The following NOVA2 variants were observed in gnomAD, a reference collection of about 807,000 sequenced individuals.
NOVA2 encodes the protein RNA-binding protein Nova-2.
In NOVA2, 9 loss-of-function variants were observed where a neutral mutation model predicts 22.5. The observed-to-expected ratio is 0.40, with a 90% confidence interval of 0.24 to 0.70. NOVA2 has a LOEUF of 0.70. Among genes scored for constraint, NOVA2 ranks in the 30% least tolerant of loss-of-function variants. The pLI is 0.38. For missense variants in NOVA2, 383 were observed against 682.8 expected (o/e 0.56, Z 4.89); for synonymous variants, 318 against 335.2 (o/e 0.95, Z 0.56).
At chr19:45,941,835 C>T (rs141799244) in intron 3 of NOVA2, among the ~76,000 whole-genome samples, 11 of 152,310 alleles carry the variant, frequency 7.2e-5, no homozygotes, top group African/African-American at 2.6e-4. Context: ...CCACCCTGTC[C>T]CATGTACCTG....
intron 1 of NOVA2, among the ~76,000 whole-genome samples, chr19:45,968,847 T>C (rs935874736): frequency 9.9e-5 from 15 of 152,064 alleles, no homozygotes; most frequent in Middle Eastern, 3.2e-3. Flanking sequence ...GCTCTTAACC[T>C]GGTGATGTTG....
chr19:45,956,884 A>G (rs1186979747), intron 2 of NOVA2, among the ~76,000 whole-genome samples: 1 of 152,198 alleles, frequency 6.6e-6, no homozygotes, highest in African/African-American at 2.4e-5. Flanking sequence ...CTTAGATGGT[A>G]GTGGATGTTC....
chr19:45,971,802 A>C (rs1968235843), intron 1 of NOVA2, among the ~76,000 whole-genome samples: 1 of 152,032 alleles, frequency 6.6e-6, no homozygotes, highest in Non-Finnish European at 1.5e-5. Flanking sequence ...CCCTCCTACC[A>C]GGGAGCTAGA....
intron 1 of NOVA2, among the ~76,000 whole-genome samples, chr19:45,963,421 G>A (rs1427138556): frequency 6.6e-6 from 1 of 151,974 alleles, no homozygotes; most frequent in African/African-American, 2.4e-5. Flanking sequence ...CTTCCTCCGT[G>A]AGCCTCAGGC....
chr19:45,946,649 G>A (rs565314659), intron 3 of NOVA2, among the ~76,000 whole-genome samples: 22 of 152,256 alleles, frequency 1.4e-4, no homozygotes, highest in African/African-American at 4.3e-4. Context: ...CAAGGCGGGC[G>A]GATCACGAGG....
chr19:45,951,664 G>A (rs926466410), intron 3 of NOVA2, among the ~76,000 whole-genome samples: 1 of 151,412 alleles, frequency 6.6e-6, no homozygotes, highest in Admixed American at 6.6e-5. Flanking sequence ...AGGCGTGGTC[G>A]TGTTCACCTG....
chr19:45,973,169 C>A, intron 1 of NOVA2, 98 bp downstream of exon 1: 1 of 518,706 alleles, frequency 1.9e-6, no homozygotes. Flanking sequence ...CTCTCCCCTC[C>A]CCAGAGCCCT....
chr19:45,950,029 C>T (rs1012790819), intron 3 of NOVA2, among the ~76,000 whole-genome samples: 1 of 152,036 alleles, frequency 6.6e-6, no homozygotes, highest in African/African-American at 2.4e-5. Context: ...GCATGAGCCA[C>T]TACGTCCAGC....
intron 3 of NOVA2, among the ~76,000 whole-genome samples, chr19:45,945,302 TA>T (rs1374434432): frequency 6.7e-6 from 1 of 149,280 alleles, no homozygotes; most frequent in Non-Finnish European, 1.5e-5. Flanking sequence ...ACCCTGCCTC[TA>T]AAAAAAGAAA....
chr19:45,952,655 TCC>T (rs929108678), intron 3 of NOVA2, among the ~76,000 whole-genome samples: 4 of 152,304 alleles, frequency 2.6e-5, no homozygotes, highest in South Asian at 4.1e-4. Context: ...TGCCCTCGCC[TCC>T]CTGTAAACTG....
intron 1 of NOVA2, among the ~76,000 whole-genome samples, chr19:45,968,485 C>T (rs941487093): frequency 3.3e-5 from 5 of 151,812 alleles, no homozygotes; most frequent in African/African-American, 4.8e-5. Context: ...TGAGTTGTGA[C>T]GGTCTCTAAG....
chr19:45,951,663 C>A (rs12461960), intron 3 of NOVA2, among the ~76,000 whole-genome samples: 3 of 151,116 alleles, frequency 2.0e-5, no homozygotes, highest in Non-Finnish European at 4.4e-5. Flanking sequence ...CAGGCGTGGT[C>A]GTGTTCACCT....
At position 45,940,399 on chromosome 19, in the gene NOVA2, C is replaced by G; in HGVS notation, c.943G>C (p.Gly315Arg). The G allele has an allele frequency of 1.4e-6, 2 of 1,453,278 alleles. No homozygotes were observed. Among genetic ancestry groups the G allele is most frequent in the Middle Eastern group, 1.8e-4 (1 of 5,440 alleles). The allele number at this position is 1,453,278 out of a possible 1,614,324, so 90.0% of individuals were successfully genotyped here. ...GCGGCGGCGGCTGCTGGGTTGGCCCCGGCGGCCACGGCGGCCAGGACGCCG... is the reference window on the plus strand; with the variant it reads ...GCGGCGGCGGCTGCTGGGTTGGCCCGGGCGGCCACGGCGGCCAGGACGCCG... ...ASGVLAAVAA[G>R]ANPAAAAAAN... The change falls in exon 4 of 4, where the codon GGG (glycine) becomes CGG (arginine). Residue 315 changes from glycine (G) to arginine (R), a missense_variant. Gly to Arg is a moderately radical substitution (Grantham distance 125, BLOSUM62 -2). Transcript: ENST00000263257.
At chr19:45,951,056 A>G (rs1967917675) in intron 3 of NOVA2, among the ~76,000 whole-genome samples, 1 of 152,228 alleles carries the variant, frequency 6.6e-6, no homozygotes, top group Non-Finnish European at 1.5e-5. Flanking sequence ...ATTTTAAGCT[A>G]CCCAGATGAC....
chr19:45,954,424 C>T (rs762648765), intron 2 of NOVA2, among the ~76,000 whole-genome samples: 9 of 152,154 alleles, frequency 5.9e-5, no homozygotes, highest in Non-Finnish European at 1.0e-4. Flanking sequence ...CCCAGGGGGA[C>T]GAGGGACGAG....
In NOVA2 at chr19:45,940,862, T is replaced by C. The variant is rs760736096; in HGVS notation, c.480A>G (p.Ser160=). ...GATVKAVMEQ[S]GAWVQLSQKP... ...TCTGGGACAGCTGCACCCATGCTCC[T>C]GACTGTTCCATCACGGCTTTCACCG... The change falls in exon 4 of 4, where the codon TCA becomes TCG. Residue 160 remains serine, a synonymous_variant. Transcript: ENST00000263257. 1.2e-6 allele frequency: 2 copies of C among 1,606,526 alleles called. No individual in the cohort carries two copies. The highest frequency in any genetic ancestry group is 1.7e-6 in the Non-Finnish European group (2 of 1,179,956).
chr19:45,958,575 G>T (rs1968047602), intron 2 of NOVA2, among the ~76,000 whole-genome samples: 1 of 151,196 alleles, frequency 6.6e-6, no homozygotes, highest in African/African-American at 2.4e-5. Context: ...GTGAGGGTGT[G>T]AGTGTGAATG....
chr19:45,956,375 C>T (rs1332391615), intron 2 of NOVA2, among the ~76,000 whole-genome samples: 1 of 152,278 alleles, frequency 6.6e-6, no homozygotes, highest in East Asian at 1.9e-4. Context: ...CAAGGGGGCC[C>T]ACAGGGGCTT....
chr19:45,947,035 A>G (rs772985805), intron 3 of NOVA2, among the ~76,000 whole-genome samples: 2 of 152,212 alleles, frequency 1.3e-5, no homozygotes, highest in Non-Finnish European at 1.5e-5. Context: ...AAAAAGGAAA[A>G]AAATCTATGC....
Sources: allele counts gnomAD v4.1 joint callset (sites outside exome capture counted in the v4.1 genomes callset), GRCh38; gene constraint gnomAD v4.1.1; transcripts MANE v1.5; gene names NCBI Gene and HGNC (gene_info 2026-07-23, HGNC 2026-07-21).